The following VPS13C variants were observed in gnomAD, a reference collection of about 807,000 sequenced individuals.
VPS13C encodes the protein vacuolar protein sorting 13 homolog C, also known as intermembrane lipid transfer protein VPS13C.
In VPS13C, 358 loss-of-function variants were observed where a neutral mutation model predicts 456.8. That is an observed-to-expected ratio of 0.78 (90% CI 0.72 to 0.86). The LOEUF (loss-of-function observed/expected upper bound fraction) is 0.86, where lower values mean the gene tolerates loss of function less well. Ranked by LOEUF, VPS13C falls within the 40% of genes least tolerant of loss-of-function variation. The probability of loss-of-function intolerance (pLI) is 0.00; values close to 1 mark genes in which losing one functional copy is unlikely to be tolerated. For synonymous variants in VPS13C, 1,578 were observed against 1,486.7 expected (o/e 1.06, Z -1.41); for missense variants, 4,818 against 4,385.4 (o/e 1.10, Z -2.79).
intron 66 of VPS13C, among the ~76,000 whole-genome samples, chr15:61,892,964 C>A (rs559847166): frequency 6.6e-6 from 1 of 151,992 alleles, no homozygotes; most frequent in African/African-American, 2.4e-5. Flanking sequence ...TAAAAAAGAA[C>A]AAAGAATGCC....
intron 16 of VPS13C, among the ~76,000 whole-genome samples, chr15:61,999,370 A>G (rs1464526180): frequency 2.0e-5 from 3 of 149,688 alleles, no homozygotes; most frequent in Non-Finnish European, 4.4e-5. Context: ...ACAGAGCAAG[A>G]CTCCATCTCA....
chr15:61,974,395 G>A lies in VPS13C; in HGVS notation c.2431C>T (p.Pro811Ser). Residue 811 changes from proline (P) to serine (S), a missense_variant, in exon 25 of 85, where the codon CCT (proline) becomes TCT (serine). Transcript: ENST00000644861. Reference sequence around the variant, plus strand: ...TCAGAAATTCTCACATGCATCAAAGGAAGTCCTCCTGACACTTTAAATCTA... The same window carrying A: ...TCAGAAATTCTCACATGCATCAAAGAAAGTCCTCCTGACACTTTAAATCTA... ...MARFKVSGGL[P>S]LMHVRISDQK... The A allele has an allele frequency of 6.2e-7, 1 of 1,612,194 alleles. No individual in the cohort carries two copies. Among genetic ancestry groups the A allele is most frequent in the Admixed American group, 1.7e-5 (1 of 59,938 alleles).
intron 15 of VPS13C, among the ~76,000 whole-genome samples, chr15:62,001,911 T>C (rs2046634265): frequency 6.6e-6 from 1 of 152,202 alleles, no homozygotes; most frequent in African/African-American, 2.4e-5. Flanking sequence ...CTTAATCTAG[T>C]CTATCATTGT....
chr15:62,030,118 G>C (rs536194409), intron 5 of VPS13C, among the ~76,000 whole-genome samples: 1 of 152,150 alleles, frequency 6.6e-6, no homozygotes, highest in African/African-American at 2.4e-5. Flanking sequence ...GGGTTTACAC[G>C]ATTGGAAAAT....
intron 71 of VPS13C, 113 bp from the exon 72 acceptor site, chr15:61,881,067 TA>T: frequency 2.5e-6 from 2 of 813,302 alleles, no homozygotes; most frequent in Non-Finnish European, 3.7e-6. Context: ...CTTCATCTCC[TA>T]AAAATTATGT....
At chr15:62,019,735 G>A (rs2047388551) in intron 9 of VPS13C, among the ~76,000 whole-genome samples, 1 of 151,986 alleles carries the variant, frequency 6.6e-6, no homozygotes, top group South Asian at 2.1e-4. Context: ...GAATAGGTGA[G>A]GTGTGGTGCT....
intron 15 of VPS13C, among the ~76,000 whole-genome samples, chr15:62,004,378 A>G (rs1280163987): frequency 6.6e-6 from 1 of 152,124 alleles, no homozygotes; most frequent in African/African-American, 2.4e-5. Flanking sequence ...CCCCTTTATC[A>G]ATATTTATTG....
rs147029383 is a variant in VPS13C, at chr15:61,925,528, T to G, written c.6537A>C (p.Leu2179Phe). The change falls in exon 53 of 85, where the codon TTA (leucine) becomes TTC (phenylalanine). Residue 2179 changes from leucine (L) to phenylalanine (F), a missense_variant. This residue lies in a region of VPS13C where 4,552 missense variants were observed against 4,130.6 expected (regional missense o/e 1.10). Coordinates refer to ENST00000644861, the MANE Select transcript of VPS13C (RefSeq NM_020821.3). ...NITTVLQPCS[L>F]FMEKCTWASG... ...AAGCCCACGTACATTTTTCCATAAA[T>G]AAAGAACAGGGCTGCAAGACCTATA... 42 of 1,603,872 alleles carry G rather than the reference T, an allele frequency of 2.6e-5. No homozygotes were observed. The highest frequency in any genetic ancestry group is 3.4e-5 in the Non-Finnish European group (40 of 1,175,532).
At chr15:61,991,619 A>G (rs1454829746) in intron 17 of VPS13C, 54 bp downstream of exon 17, 1 of 1,525,230 alleles carries the variant, frequency 6.6e-7, no homozygotes, top group Non-Finnish European at 8.8e-7. Flanking sequence ...TATAATTTAC[A>G]CAGTTTTTTT....
rs181206234 is a variant in VPS13C, at chr15:62,016,430, C to A, written c.685-2438G>T. On this transcript the variant is annotated intron_variant, in intron 9 of 84. Transcript: ENST00000644861. The stretch of plus-strand genomic sequence containing the variant: ...ATGCTATCCCTCCCCCCTCCCCCGA[C>A]CCCACAACAGGCCCCAGTGTGTGAT... Among the ~76,000 whole-genome samples the A allele has an allele frequency of 1.1e-3, 125 of 110,702 alleles. 5 individuals carry two copies. The East Asian group carries it at 0.039, about 35-fold the overall frequency. The allele number at this position is 110,702 out of a possible 152,430, so 72.6% of individuals were successfully genotyped here.
intron 45 of VPS13C, among the ~76,000 whole-genome samples, chr15:61,944,392 A>C (rs1010816744): frequency 3.3e-5 from 5 of 152,222 alleles, no homozygotes; most frequent in South Asian, 2.1e-4. Context: ...CTAGGTGCCC[A>C]TCAACAGTGG....
chr15:62,002,948 T>C (rs1225753077), intron 15 of VPS13C, among the ~76,000 whole-genome samples: 2 of 152,268 alleles, frequency 1.3e-5, no homozygotes, highest in Middle Eastern at 3.4e-3. Flanking sequence ...TGAAGTCAGG[T>C]AGTGTGATGC....
chr15:61,983,008 G>A (rs545673211), intron 20 of VPS13C, among the ~76,000 whole-genome samples: 1 of 152,246 alleles, frequency 6.6e-6, no homozygotes, highest in South Asian at 2.1e-4. Flanking sequence ...GATTTTCCAA[G>A]ATGAAAACAG....
At chr15:62,029,451 A>G (rs150856933) in intron 5 of VPS13C, among the ~76,000 whole-genome samples, 233 of 152,082 alleles carry the variant, frequency 1.5e-3, no homozygotes, top group Admixed American at 2.4e-3. Context: ...TCCCACCTTC[A>G]CTGTCTCCTC....
intron 81 of VPS13C, chr15:61,865,230 C>A (rs992996497): frequency 1.0e-6 from 1 of 983,930 alleles, no homozygotes; most frequent in Non-Finnish European, 1.2e-6. Flanking sequence ...CAAGTAAATT[C>A]TAAGGAAATA....
intron 78 of VPS13C, 29 bp from the exon 79 acceptor site, chr15:61,872,063 GA>G (rs746929766): frequency 4.0e-5 from 64 of 1,601,792 alleles, no homozygotes; most frequent in Non-Finnish European, 5.3e-5. Context: ...ATATAGTTTA[GA>G]CTGAATGGAA....
chr15:61,951,671 C>G (rs2044798063), intron 39 of VPS13C, among the ~76,000 whole-genome samples, 153 bp downstream of exon 39: 1 of 152,114 alleles, frequency 6.6e-6, no homozygotes, highest in African/African-American at 2.4e-5. Context: ...AATGGGTCCC[C>G]TAGAACTGTA....
chr15:61,949,285 C>A (rs1567037239), intron 42 of VPS13C, among the ~76,000 whole-genome samples, 158 bp downstream of exon 42: 1 of 152,076 alleles, frequency 6.6e-6, no homozygotes. Flanking sequence ...CTAAACTGCT[C>A]TATAATCCCA....
In VPS13C at chr15:61,903,047, T is replaced by A. The variant is rs557676426; in HGVS notation, c.9105+4217A>T. Among the ~76,000 whole-genome samples the A allele has an allele frequency of 2.0e-5, 3 of 152,126 alleles. No homozygotes were observed. The East Asian group carries it at 5.8e-4, about 29-fold the overall frequency. The stretch of plus-strand genomic sequence containing the variant: ...AATCAATATATTAAAATCAAATGGC[T>A]GGGCACAGTGGCTCATGCCTGCAAT... On this transcript the variant is annotated intron_variant, in intron 66 of 84. Transcript: ENST00000644861.
Sources: gnomAD v4.1 joint callset for allele counts (sites outside exome capture counted in the v4.1 genomes callset) on GRCh38, gnomAD v4.1.1 for gene constraint, gnomAD v4.1.1 regional missense constraint, MANE v1.5 for transcripts, NCBI Gene and HGNC (gene_info 2026-07-23, HGNC 2026-07-21) for gene names.